SLC22A25: variants seen among roughly 807,000 people sequenced by gnomAD.
SLC22A25 encodes MGI:2442751, MGI:2385316, MGI:3042283, MGI:3645714, MGI:3605624, MGI:2442750.
Under a neutral mutation model 45.9 loss-of-function variants are expected in SLC22A25, and 44 were observed. That is an observed-to-expected ratio of 0.96 (90% CI 0.75 to 1.23). The LOEUF (loss-of-function observed/expected upper bound fraction) is 1.23. SLC22A25 is among the 50% of genes most tolerant of loss of function. The pLI, the probability that SLC22A25 is intolerant of heterozygous loss-of-function variation, is 0.00. For missense variants in SLC22A25, 800 were observed against 666.4 expected, an observed-to-expected ratio of 1.20 and a Z score of -2.21; for synonymous variants, 283 against 238.6, an observed-to-expected ratio of 1.19 and a Z score of -1.72.
At chr11:63,188,181 T>G (rs1020300179) in intron 7 of SLC22A25, among the ~76,000 whole-genome samples, 1 of 152,142 alleles carries the variant, frequency 6.6e-6, no homozygotes, top group South Asian at 2.1e-4. Context: ...GTCCTGGACT[T>G]TTTTTGGTTG....
intron 7 of SLC22A25, among the ~76,000 whole-genome samples, chr11:63,185,046 C>A (rs907655946): frequency 3.3e-5 from 5 of 152,074 alleles, no homozygotes; most frequent in African/African-American, 9.7e-5. Flanking sequence ...ACCTGACAGA[C>A]AAAATATCAT....
intron 7 of SLC22A25, among the ~76,000 whole-genome samples, chr11:63,186,704 C>T (rs9733991): frequency 0.46 from 67,662 of 146,502 alleles, 14,731 homozygotes; most frequent in African/African-American, 0.56. Flanking sequence ...TTTAATCCAT[C>T]TTGAATTAAT....
chr11:63,193,847 G>C (rs137954656), intron 7 of SLC22A25, among the ~76,000 whole-genome samples: 1 of 151,212 alleles, frequency 6.6e-6, no homozygotes, highest in African/African-American at 2.4e-5. Flanking sequence ...TCAGAAGATC[G>C]GTAATAACAA....
intron 9 of SLC22A25, among the ~76,000 whole-genome samples, chr11:63,172,466 A>T (rs1443428898): frequency 1.3e-5 from 2 of 152,158 alleles, no homozygotes; most frequent in African/African-American, 4.8e-5. Context: ...CCCATCAAAA[A>T]GTGGGCAAAT....
intron 3 of SLC22A25, among the ~76,000 whole-genome samples, chr11:63,234,345 G>T (rs1017435740): frequency 1.3e-5 from 2 of 152,142 alleles, no homozygotes; most frequent in Non-Finnish European, 2.9e-5. Context: ...TATATATTTA[G>T]GATAGTTAGC....
chr11:63,210,685 G>A (rs2089533855), intron 7 of SLC22A25, among the ~76,000 whole-genome samples: 1 of 152,134 alleles, frequency 6.6e-6, no homozygotes, highest in Non-Finnish European at 1.5e-5. Flanking sequence ...GAAGTAGGGG[G>A]CCGATTAATG....
intron 9 of SLC22A25, among the ~76,000 whole-genome samples, chr11:63,174,715 T>C (rs1462483753): frequency 2.0e-5 from 3 of 152,100 alleles, no homozygotes; most frequent in Non-Finnish European, 4.4e-5. Flanking sequence ...TACAGTAAAA[T>C]ATTCTTAACT....
Position 63,196,495 on chromosome 11 carries a change from C to T in SLC22A25, c.831-12678G>A, listed in dbSNP as rs149367287. 3.1e-3 allele frequency among the ~76,000 whole-genome samples: 479 copies of T among 152,086 alleles called. 1 individual carries two copies. Among genetic ancestry groups the T allele is most frequent in the African/African-American group, 0.01 (424 of 41,512 alleles). On this transcript the variant is annotated intron_variant, in intron 7 of 11. Coordinates refer to ENST00000306494, the MANE Select transcript of SLC22A25 (RefSeq NM_199352.6). ...TAATCCAGCATATAAACAGAACTAACGACAAAAACCACATGATTATCTCAA... is the reference window on the plus strand; with the variant it reads ...TAATCCAGCATATAAACAGAACTAATGACAAAAACCACATGATTATCTCAA...
At chr11:63,196,899 C>T (rs1050535609) in intron 7 of SLC22A25, among the ~76,000 whole-genome samples, 35 of 152,292 alleles carry the variant, frequency 2.3e-4, no homozygotes, top group African/African-American at 7.9e-4. Flanking sequence ...ATAAGCAACT[C>T]AGCAAAGTCT....
chr11:63,177,298 A>G (rs1308972579), intron 9 of SLC22A25, among the ~76,000 whole-genome samples: 1 of 151,936 alleles, frequency 6.6e-6, no homozygotes, highest in African/African-American at 2.4e-5. Context: ...ACAGTATATA[A>G]TGATAAAACC....
Position 63,217,662 on chromosome 11 carries a change from G to A in SLC22A25, c.580C>T (p.Pro194Ser), listed in dbSNP as rs777266043. 1 of 1,613,962 alleles carries A rather than the reference G, an allele frequency of 6.2e-7. No homozygotes were observed. Among genetic ancestry groups the A allele is most frequent in the South Asian group, 1.1e-5 (1 of 91,070 alleles). ...AIVGTCAAFA[P>S]TILVYCSLRF... ...AGGGAGCAGTATACGAGGATGGTGG[G>A]AGCAAAGGCCGCACAGGTGCCTACA... The change falls in exon 6 of 12, where the codon CCC (proline) becomes TCC (serine). Residue 194 changes from proline to serine, a missense_variant. By Grantham distance (74) the Pro-to-Ser change is moderately conservative (BLOSUM62 -1). Transcript: ENST00000306494.
chr11:63,238,208 T>A (rs2090194480), intron 2 of SLC22A25, among the ~76,000 whole-genome samples, 196 bp from the exon 3 acceptor site: 1 of 152,214 alleles, frequency 6.6e-6, no homozygotes, highest in African/African-American at 2.4e-5. Context: ...TCTAGGAAGC[T>A]GCCTCTAAAA....
At chr11:63,231,197 C>G (rs1388888880) in intron 3 of SLC22A25, among the ~76,000 whole-genome samples, 8 of 152,272 alleles carry the variant, frequency 5.3e-5, no homozygotes, top group Admixed American at 4.6e-4. Flanking sequence ...AATGGTATTT[C>G]TAGTTCTGGA....
intron 7 of SLC22A25, among the ~76,000 whole-genome samples, chr11:63,199,628 G>A (rs2089174394): frequency 6.6e-6 from 1 of 151,922 alleles, no homozygotes; most frequent in Admixed American, 6.6e-5. Flanking sequence ...AGTCTCCAAA[G>A]TAGCTCACTT....
intron 11 of SLC22A25, 105 bp downstream of exon 11, chr11:63,164,421 A>G (rs1422198026): frequency 5.0e-6 from 5 of 996,108 alleles, no homozygotes; most frequent in East Asian, 2.6e-5. Flanking sequence ...ATTACATTTG[A>G]TTGTTTTTTA....
chr11:63,213,990 A>G (rs1400467528), intron 7 of SLC22A25, among the ~76,000 whole-genome samples: 2 of 152,146 alleles, frequency 1.3e-5, no homozygotes, highest in Non-Finnish European at 2.9e-5. Context: ...TGGAAAATTT[A>G]ATTTAACCAA....
At chr11:63,205,228 A>G (rs2089365094) in intron 7 of SLC22A25, among the ~76,000 whole-genome samples, 1 of 152,214 alleles carries the variant, frequency 6.6e-6, no homozygotes, top group African/African-American at 2.4e-5. Flanking sequence ...TGTAATTACC[A>G]TCCTAACATC....
chr11:63,196,560 T>A (rs1431118624), intron 7 of SLC22A25, among the ~76,000 whole-genome samples: 12 of 152,180 alleles, frequency 7.9e-5, no homozygotes, highest in Non-Finnish European at 1.5e-4. Flanking sequence ...CAACAGCCCT[T>A]CATGCTGAAA....
At chr11:63,233,480 T>C (rs2090107924) in intron 3 of SLC22A25, among the ~76,000 whole-genome samples, 1 of 152,224 alleles carries the variant, frequency 6.6e-6, no homozygotes. Flanking sequence ...TTGGTGGTGA[T>C]ATCCCCTTTG....
Sources: allele counts gnomAD v4.1 joint callset (sites outside exome capture counted in the v4.1 genomes callset), GRCh38; gene constraint gnomAD v4.1.1; transcripts MANE v1.5; gene names NCBI Gene and HGNC (gene_info 2026-07-23, HGNC 2026-07-21).